The following HACD4 variants were observed in gnomAD, a reference collection of about 807,000 sequenced individuals.
The protein encoded by HACD4 is 3-hydroxyacyl-CoA dehydratase 4.
Under a neutral mutation model 33.3 loss-of-function variants are expected in HACD4, and 35 were observed. That is an observed-to-expected ratio of 1.05 (90% CI 0.80 to 1.39). The LOEUF is 1.39. Among genes scored for constraint, HACD4 ranks in the 40% most tolerant of loss-of-function variants. The probability of loss-of-function intolerance (pLI) is 0.00; values close to 1 mark genes in which losing one functional copy is unlikely to be tolerated. For missense variants in HACD4, 323 were observed against 276.5 expected (o/e 1.17, Z -1.19); for synonymous variants, 118 against 98.0 (o/e 1.20, Z -1.21).
chr9:21,030,158 A>T (rs934736286), intron 1 of HACD4, among the ~76,000 whole-genome samples: 2 of 151,240 alleles, frequency 1.3e-5, no homozygotes, highest in African/African-American at 4.9e-5. Context: ...AAAACAAAAC[A>T]GGCTGGGCGC....
intron 4 of HACD4, among the ~76,000 whole-genome samples, chr9:21,014,875 G>C (rs1403660018): frequency 6.6e-6 from 1 of 152,072 alleles, no homozygotes; most frequent in East Asian, 1.9e-4. Context: ...TGCAAATGTT[G>C]TTTTGTTCTC....
intron 1 of HACD4, 58 bp from the exon 2 acceptor site, chr9:21,029,456 G>A (rs1374080985): frequency 3.7e-6 from 4 of 1,083,334 alleles, no homozygotes; most frequent in Non-Finnish European, 5.5e-6. Flanking sequence ...TTTCATCACT[G>A]TACACATGCC....
chr9:21,007,055 A>T lies in HACD4; in HGVS notation c.681T>A (p.Ile227=), dbSNP rs745910839. The T allele has an allele frequency of 1.3e-5, 20 of 1,575,514 alleles. No homozygotes were observed. In the East Asian group the frequency reaches 4.3e-4, roughly 34 times the overall value. ...CTGTACTTCACATCTTCTTTTTTTT[A>T]ATGGGAAAGATTCCGAGGATGTCTC... The part of the protein sequence containing the change: ...ERRDILGIFP[I]KKKKM The change falls in exon 7 of 7, where the codon ATT becomes ATA. Residue 227 remains isoleucine, a synonymous_variant. Coordinates refer to ENST00000495827, the MANE Select transcript of HACD4 (RefSeq NM_001010915.5).
intron 3 of HACD4, among the ~76,000 whole-genome samples, chr9:21,020,553 C>T (rs375504498): frequency 2.0e-5 from 3 of 152,294 alleles, no homozygotes; most frequent in East Asian, 3.9e-4. Context: ...ATTAAATTTA[C>T]TGAAATCAAC....
At chr9:21,008,445 A>G (rs1160896960) in intron 5 of HACD4, among the ~76,000 whole-genome samples, 1 of 152,186 alleles carries the variant, frequency 6.6e-6, no homozygotes, top group Non-Finnish European at 1.5e-5. Flanking sequence ...CCACCTAGCC[A>G]CAAATAGGGG....
At chr9:21,030,737 T>C (rs1818190663) in intron 1 of HACD4, among the ~76,000 whole-genome samples, 1 of 152,218 alleles carries the variant, frequency 6.6e-6, no homozygotes. Context: ...ATCAGATACA[T>C]ATCGAAAGCA....
intron 3 of HACD4, among the ~76,000 whole-genome samples, chr9:21,018,776 T>C (rs140739915): frequency 1.2e-3 from 177 of 151,678 alleles, no homozygotes; most frequent in Middle Eastern, 3.4e-3. Flanking sequence ...TGTCATCTAC[T>C]CAAAAGTGTG....
intron 3 of HACD4, among the ~76,000 whole-genome samples, chr9:21,022,756 T>G (rs1587837001): frequency 6.6e-6 from 1 of 151,774 alleles, no homozygotes; most frequent in East Asian, 1.9e-4. Flanking sequence ...AGGAACACTT[T>G]TACACTGTTG....
rs1842443224 is a variant in HACD4 at position 21,011,711 on chromosome 9, A to C, written c.384-16T>G. The C allele has an allele frequency of 3.6e-6, 5 of 1,390,516 alleles. No homozygotes were observed. In the African/African-American group the frequency reaches 7.2e-5, roughly 20 times the overall value. The allele number at this position is 1,390,516 out of a possible 1,614,324, so 86.1% of individuals were successfully genotyped here. A position where few individuals can be genotyped will look rare whatever the true frequency, so the allele number is the denominator to read the frequency against. ...ATAAGTGTACCTGAAAGGAGATGAG[A>C]AGCTCATAAACATCATTTTCTGCTA... On this transcript the variant is annotated splice_polypyrimidine_tract_variant and intron_variant, in intron 4 of 6. Transcript: ENST00000495827.
At chr9:21,020,244 A>G (rs1817873357) in intron 3 of HACD4, among the ~76,000 whole-genome samples, 2 of 152,124 alleles carry the variant, frequency 1.3e-5, no homozygotes, top group Admixed American at 1.3e-4. Context: ...ACACAGAGGG[A>G]AGGATGTATA....
intron 2 of HACD4, among the ~76,000 whole-genome samples, chr9:21,029,039 A>G (rs1463068952): frequency 6.6e-6 from 1 of 152,200 alleles, no homozygotes; most frequent in African/African-American, 2.4e-5. Context: ...GGAACAATGA[A>G]ATGATACCAC....
chr9:21,031,334 T>C (rs1361271324), intron 1 of HACD4: 1 of 489,704 alleles, frequency 2.0e-6, no homozygotes, highest in Non-Finnish European at 2.7e-6. Context: ...CCCATTCAAC[T>C]GTAAAATGGA....
In HACD4 at chr9:21,003,730, A is replaced by G. The variant is rs956743838; in HGVS notation, c.*3307T>C. On this transcript the variant is annotated 3_prime_UTR_variant, in exon 7 of 7. Transcript: ENST00000495827. ...ATAATTCTTTACCAAAAATTGAGTG[A>G]TACATCAATGATACAGCAATGACTA... 2 of 152,166 alleles carry G rather than the reference A, an allele frequency of 1.3e-5. No homozygotes were observed. The allele number at this position is 152,166 out of a possible 1,614,324, so 9.4% of individuals were successfully genotyped here. A position where few individuals can be genotyped will look rare whatever the true frequency, so the allele number is the denominator to read the frequency against.
At position 21,010,456 on chromosome 9, in the gene HACD4, A is replaced by ATCCC. The variant is rs1353043927; in HGVS notation, c.490+1132_490+1133insGGGA. Among the ~76,000 whole-genome samples, 259 of 104,872 alleles carry ATCCC rather than the reference A, an allele frequency of 2.5e-3. 35 individuals are homozygous for ATCCC. The highest frequency in any genetic ancestry group is 6.3e-3 in the African/African-American group (143 of 22,534). The allele number at this position is 104,872 out of a possible 152,430, so 68.8% of individuals were successfully genotyped here. A position where few individuals can be genotyped will look rare whatever the true frequency, so the allele number is the denominator to read the frequency against. On this transcript the variant is annotated intron_variant, in intron 5 of 6. Coordinates refer to ENST00000495827, the MANE Select transcript of HACD4 (RefSeq NM_001010915.5). ...AAGAAACAGACTCAGACATCCTGGTACCCCCCCCCCCCCCAGAGCTTACAG... is the reference window on the plus strand; with the variant it reads ...AAGAAACAGACTCAGACATCCTGGTATCCCCCCCCCCCCCCCCCAGAGCTTACAG...
In HACD4 at chr9:21,005,309, C is replaced by G. The variant is rs1842243373; in HGVS notation, c.*1728G>C. ...ATTCTTAACAAAAACGGAACCAGAA[C>G]TTAAAAGATGTGGGAAATTATCAGT... On this transcript the variant is annotated 3_prime_UTR_variant, in exon 7 of 7. Coordinates refer to ENST00000495827, the MANE Select transcript of HACD4 (RefSeq NM_001010915.5). This position sits in a 1 kb window ranked among gnomAD's most constrained non-coding sequence, Gnocchi z 4.0. 2 of 152,136 alleles carry G rather than the reference C, an allele frequency of 1.3e-5. No individual in the cohort carries two copies. Among genetic ancestry groups the G allele is most frequent in the South Asian group, 4.1e-4 (2 of 4,828 alleles). 9.4% of individuals were successfully genotyped at this position (152,136 alleles called of 1,614,324 possible).
At position 21,026,602 on chromosome 9, in the gene HACD4, A is replaced by T; in HGVS notation, c.264T>A (p.Phe88Leu). ...ATATGTGATTCAAACCTACCTGCAA[A>T]AACCTTGGGAGAAGATGGTTTGACT... ...GIESNHLLPR[F>L]LQLTERIIIL... Residue 88 changes from phenylalanine to leucine, a missense_variant, in exon 3 of 7, where the codon TTT (phenylalanine) becomes TTA (leucine). Phe to Leu is a conservative substitution (Grantham distance 22, BLOSUM62 0). Coordinates refer to ENST00000495827, the MANE Select transcript of HACD4 (RefSeq NM_001010915.5). The T allele has an allele frequency of 6.2e-7, 1 of 1,610,124 alleles. No individual in the cohort carries two copies. Among genetic ancestry groups the T allele is most frequent in the Non-Finnish European group, 8.5e-7 (1 of 1,178,422 alleles).
Position 20,999,793 on chromosome 9 carries a change from G to A in HACD4, c.*7244C>T, listed in dbSNP as rs900569948. On this transcript the variant is annotated 3_prime_UTR_variant, in exon 7 of 7. Transcript: ENST00000495827. ...TTATGTGCCACTATACAAGTTTCTG[G>A]GGTACAATCTGAACAAAACGTGTCA... The A allele has an allele frequency of 2.0e-4, 30 of 152,244 alleles. No homozygotes were observed. Among genetic ancestry groups the A allele is most frequent in the African/African-American group, 7.0e-4 (29 of 41,546 alleles). The allele number at this position is 152,244 out of a possible 1,614,324, so 9.4% of individuals were successfully genotyped here.
chr9:21,024,943 C>T (rs917082192), intron 3 of HACD4, among the ~76,000 whole-genome samples: 1 of 152,140 alleles, frequency 6.6e-6, no homozygotes, highest in African/African-American at 2.4e-5. Flanking sequence ...CCAACATTAA[C>T]ATTATGGGAT....
chr9:21,026,499 G>A (rs1372055575), intron 3 of HACD4, 97 bp downstream of exon 3: 3 of 952,534 alleles, frequency 3.1e-6, no homozygotes, highest in East Asian at 2.5e-5. Flanking sequence ...CTAAGACAAG[G>A]GTTGGCTTTC....
Sources: allele counts gnomAD v4.1 joint callset (sites outside exome capture counted in the v4.1 genomes callset), GRCh38; gene constraint gnomAD v4.1.1; non-coding constraint Gnocchi (gnomAD v3.1); transcripts MANE v1.5; gene names NCBI Gene and HGNC (gene_info 2026-07-23, HGNC 2026-07-21).